The following SPTAN1 variants were observed in gnomAD, a reference collection of about 807,000 sequenced individuals.
SPTAN1 encodes spectrin alpha chain, non-erythrocytic 1.
SPTAN1 carries 61 observed loss-of-function variants against 331.3 expected under a neutral mutation model. That is an observed-to-expected ratio of 0.18 (90% CI 0.15 to 0.23). The LOEUF is 0.23. Among genes scored for constraint, SPTAN1 ranks in the 10% least tolerant of loss-of-function variants. SPTAN1 has a pLI of 1.00. For missense variants in SPTAN1, 2,043 were observed against 3,147.9 expected (o/e 0.65, Z 8.40); for synonymous variants, 1,153 against 1,173.9 (o/e 0.98, Z 0.36).
At chr9:128,630,081 T>C in intron 51 of SPTAN1, 2 of 694,054 alleles carry the variant, frequency 2.9e-6, no homozygotes, top group Non-Finnish European at 5.3e-6. Flanking sequence ...GCAAGACGAG[T>C]GGGCTCAGCC....
At chr9:128,590,547 T>TAAAAAAAAAAAAA (rs766776858) in intron 21 of SPTAN1, among the ~76,000 whole-genome samples, 1 of 104,170 alleles carries the variant, frequency 9.6e-6, no homozygotes, top group African/African-American at 3.9e-5. Flanking sequence ...CTATTTATAT[T>TAAAAAAAAAAAAA]AAAAAAGAAA....
At chr9:128,575,905 C>T (rs945918181) in intron 5 of SPTAN1, among the ~76,000 whole-genome samples, 16 of 152,162 alleles carry the variant, frequency 1.1e-4, no homozygotes, top group South Asian at 2.1e-4. Flanking sequence ...ACATCAAGTA[C>T]TCGGAACCAG....
rs1440339302 is a variant in SPTAN1 at position 128,575,246 on chromosome 9, A to G, written c.552A>G (p.Val184=). The part of the protein sequence containing the change: ...SEELGQDLEH[V]EVLQKKFEEF... ...AGCTGGGCCAGGATCTGGAGCATGT[A>G]GAGGTTTTACAGAAGAAATTTGAAG... The change falls in exon 5 of 57, where the codon GTA becomes GTG. Residue 184 remains valine (V), a synonymous_variant. Transcript: ENST00000372739. 4 of 1,614,220 alleles carry G rather than the reference A, an allele frequency of 2.5e-6. No individual in the cohort carries two copies. Among genetic ancestry groups the G allele is most frequent in the South Asian group, 1.1e-5 (1 of 91,082 alleles).
chr9:128,621,789 C>T (rs1056093196), intron 45 of SPTAN1: 5 of 169,196 alleles, frequency 3.0e-5, no homozygotes, highest in Admixed American at 1.1e-4. Context: ...CTACTTCATT[C>T]GCAGCCCTTT....
Position 128,632,303 on chromosome 9 carries a change from G to A in SPTAN1, c.6939G>A (p.Leu2313=). 6.2e-7 allele frequency: 1 copy of A among 1,613,572 alleles called. No homozygotes were observed. Among genetic ancestry groups the A allele is most frequent in the South Asian group, 1.1e-5 (1 of 91,084 alleles). ...TGGGCATGCGCATGCAGCACAACCT[G>A]GAGCAGCAGATCCAGGCCAGGTACC... is the stretch of plus-strand genomic sequence containing the variant. ...DQLGMRMQHN[L]EQQIQARNTT... is the part of the protein sequence containing the mutation. The change falls in exon 53 of 57, where the codon CTG becomes CTA. Residue 2313 remains leucine (L), a synonymous_variant. Coordinates refer to ENST00000372739, the MANE Select transcript of SPTAN1 (RefSeq NM_001130438.3).
At chr9:128,574,537 C>G (rs1589175678) in intron 3 of SPTAN1, 138 bp from the exon 4 acceptor site, 1 of 1,051,326 alleles carries the variant, frequency 9.5e-7, no homozygotes, top group Non-Finnish European at 1.4e-6. Flanking sequence ...ACTATTTCCT[C>G]TCAGTTTAGG....
At chr9:128,580,797 T>G in intron 10 of SPTAN1, 125 bp from the exon 11 acceptor site, 1 of 1,362,102 alleles carries the variant, frequency 7.3e-7, no homozygotes, top group Middle Eastern at 2.5e-4. Flanking sequence ...TTTCCCCTTT[T>G]GCAAATCGGA....
intron 1 of SPTAN1, among the ~76,000 whole-genome samples, chr9:128,561,664 A>AAAAAAAAAAAAAAAAAAG (rs1849376953): frequency 7.7e-6 from 1 of 130,270 alleles, no homozygotes; most frequent in Non-Finnish European, 1.6e-5. Flanking sequence ...CTCCGTCTCA[A>AAAAAAAAAAAAAAAAAAG]AAAAAAAAAA....
At chr9:128,598,711 G>A in intron 25 of SPTAN1, 2 of 654,502 alleles carry the variant, frequency 3.1e-6, no homozygotes, top group Non-Finnish European at 5.4e-6. Context: ...AGGGGGGTGG[G>A]GGCTTCTGTC....
At chr9:128,600,007 T>G (rs1854883599) in intron 26 of SPTAN1, 73 bp from the exon 27 acceptor site, 1 of 1,507,672 alleles carries the variant, frequency 6.6e-7, no homozygotes, top group Non-Finnish European at 9.2e-7. Context: ...ACTAGAGTCA[T>G]TCGCTGGAAA....
intron 1 of SPTAN1, among the ~76,000 whole-genome samples, chr9:128,558,512 C>A (rs1848917329): frequency 6.6e-6 from 1 of 152,180 alleles, no homozygotes; most frequent in Admixed American, 6.6e-5. Flanking sequence ...GATAAGCAGT[C>A]AGTTGATTGC....
At position 128,584,486 on chromosome 9, in the gene SPTAN1, A is replaced by C; in HGVS notation, c.2398A>C (p.Ile800Leu). 1 of 1,614,170 alleles carries C rather than the reference A, an allele frequency of 6.2e-7. No homozygotes were observed. The highest frequency in any genetic ancestry group is 8.5e-7 in the Non-Finnish European group (1 of 1,180,044). Residue 800 changes from isoleucine to leucine, a missense_variant, in exon 17 of 57, where the codon ATT becomes CTT. Ile to Leu is a conservative substitution (Grantham distance 5). Around this residue, in one of 12 missense-constraint regions of SPTAN1, gnomAD observed 1,038 missense variants for 1,531.5 expected, o/e 0.68. Transcript: ENST00000372739. ...GGATGTTGAGGATGAGGAGACGTGGATTCGAGAGAAAGAGCCCATTGCCGC... is the reference window on the plus strand; with the variant it reads ...GGATGTTGAGGATGAGGAGACGTGGCTTCGAGAGAAAGAGCCCATTGCCGC... ...FRDVEDEETW[I>L]REKEPIAAST...
intron 34 of SPTAN1, 89 bp downstream of exon 34, chr9:128,608,365 A>G (rs1417512829): frequency 4.0e-6 from 6 of 1,517,498 alleles, no homozygotes; most frequent in Non-Finnish European, 5.5e-6. Context: ...TATATCTCCA[A>G]GGAATACCTG....
intron 5 of SPTAN1, 44 bp from the exon 6 acceptor site, chr9:128,576,779 C>G (rs1407091602): frequency 6.2e-7 from 1 of 1,609,912 alleles, no homozygotes; most frequent in Non-Finnish European, 8.5e-7. Context: ...GTTGGAGGAG[C>G]CAGAAGTTGT....
intron 5 of SPTAN1, 44 bp from the exon 6 acceptor site, chr9:128,576,779 C>A: frequency 6.2e-7 from 1 of 1,609,910 alleles, no homozygotes; most frequent in Non-Finnish European, 8.5e-7. Context: ...GTTGGAGGAG[C>A]CAGAAGTTGT....
intron 27 of SPTAN1, chr9:128,601,288 A>G (rs1379577331): frequency 6.6e-6 from 1 of 152,088 alleles, no homozygotes; most frequent in Non-Finnish European, 1.5e-5. Flanking sequence ...TATGTGATAC[A>G]TTTATAACTG....
rs373344051 is a variant in SPTAN1 at position 128,589,526 on chromosome 9, T to C, written c.3006+583T>C. Among the ~76,000 whole-genome samples, 39 of 150,120 alleles carry C rather than the reference T, an allele frequency of 2.6e-4. 1 individual carries two copies. The East Asian group carries it at 6.5e-3, about 25-fold the overall frequency. On this transcript the variant is annotated intron_variant, in intron 21 of 56. Transcript: ENST00000372739. Reference sequence around the variant, plus strand: ...CTCCTGACCTCGTGATCCACCCACCTCAGCCTCCCAAAGTGCTGGGATTAC... The same window carrying C: ...CTCCTGACCTCGTGATCCACCCACCCCAGCCTCCCAAAGTGCTGGGATTAC...
At position 128,633,052 on chromosome 9, in the gene SPTAN1, G is replaced by T. The variant is rs1362506607; in HGVS notation, c.7308+97G>T. On this transcript the variant is annotated intron_variant, in intron 56 of 56. Coordinates refer to ENST00000372739, the MANE Select transcript of SPTAN1 (RefSeq NM_001130438.3). ...TCTGGGGTAACAGGCCCTGCGCTGG[G>T]TATTCTCCCCATTTACAAATCAAAC... The T allele has an allele frequency of 5.0e-6, 8 of 1,593,796 alleles. No homozygotes were observed. In the African/African-American group the frequency reaches 9.4e-5, roughly 19 times the overall value.
chr9:128,577,460 C>T lies in SPTAN1; in HGVS notation c.1039C>T (p.Arg347Cys), dbSNP rs754066930. The T allele has an allele frequency of 9.9e-6, 16 of 1,614,014 alleles. No homozygotes were observed. Among genetic ancestry groups the T allele is most frequent in the Non-Finnish European group, 1.2e-5 (14 of 1,180,048 alleles). ...EELITNWEQI[R>C]TLAAERHARL... ...ACTGATTACAAACTGGGAGCAGATC[C>T]GCACCTTGGCGGCAGAGAGACATGC... Residue 347 changes from arginine (R) to cysteine (C), a missense_variant, in exon 8 of 57, where the codon CGC (arginine) becomes TGC (cysteine). Arg to Cys is a radical substitution (Grantham distance 180). Transcript: ENST00000372739. The surrounding 1 kb of genome is among the most constrained non-coding windows in gnomAD (Gnocchi z 4.2).
Sources: gnomAD v4.1 joint callset for allele counts (sites outside exome capture counted in the v4.1 genomes callset) on GRCh38, gnomAD v4.1.1 for gene constraint, gnomAD v4.1.1 regional missense constraint, Gnocchi (gnomAD v3.1) non-coding constraint, MANE v1.5 for transcripts, NCBI Gene and HGNC (gene_info 2026-07-23, HGNC 2026-07-21) for gene names.